The following DGUOK variants were observed in gnomAD, a reference collection of about 807,000 sequenced individuals.
The protein encoded by DGUOK is deoxyguanosine kinase, mitochondrial.
Under a neutral mutation model 36.6 loss-of-function variants are expected in DGUOK, and 30 were observed. The ratio of observed to expected loss-of-function variants is 0.82; its 90% CI spans 0.61 to 1.11. DGUOK has a LOEUF of 1.11. DGUOK is among the 50% of genes most tolerant of loss of function. DGUOK has a pLI of 0.00. For synonymous variants in DGUOK, 145 were observed against 126.3 expected (o/e 1.15, Z -0.99); for missense variants, 361 against 336.4 (o/e 1.07, Z -0.57).
chr2:73,955,459 A>T (rs1218078104), intron 4 of DGUOK, among the ~76,000 whole-genome samples: 1 of 152,228 alleles, frequency 6.6e-6, no homozygotes, highest in Non-Finnish European at 1.5e-5. Context: ...TTGTTTCTAT[A>T]ATTTCATTTC....
chr2:73,931,796 T>C (rs1395850202), intron 1 of DGUOK, among the ~76,000 whole-genome samples: 1 of 152,158 alleles, frequency 6.6e-6, no homozygotes, highest in African/African-American at 2.4e-5. Context: ...GTGCACTAGT[T>C]TTGTGGCTAT....
At chr2:73,958,642 T>TG (rs1394465312) in intron 6 of DGUOK, 68 bp from the exon 7 acceptor site, 3 of 1,362,596 alleles carry the variant, frequency 2.2e-6, no homozygotes, top group Middle Eastern at 1.8e-4. Flanking sequence ...GCATATGCAT[T>TG]GGGGGTGGAC....
chr2:73,945,622 T>TA lies in DGUOK; in HGVS notation c.256-1096dup, dbSNP rs1479766841. On this transcript the variant is annotated intron_variant, in intron 2 of 6. Transcript: ENST00000264093. ...ATGTTAATTCCTTTTTCTATACCCT[T>TA]ACGGTACCCTGCCCATGTAGCGCCT... Among the ~76,000 whole-genome samples the TA allele has an allele frequency of 2.0e-5, 3 of 152,206 alleles. No homozygotes were observed. The East Asian group carries it at 5.8e-4, about 29-fold the overall frequency.
intron 4 of DGUOK, among the ~76,000 whole-genome samples, chr2:73,954,407 C>T (rs1287528925): frequency 6.6e-6 from 1 of 151,880 alleles, no homozygotes. Flanking sequence ...CGGTGACTCA[C>T]GCCTGTAATC....
At chr2:73,946,121 G>A (rs915255280) in intron 2 of DGUOK, among the ~76,000 whole-genome samples, 1 of 151,756 alleles carries the variant, frequency 6.6e-6, no homozygotes, top group Admixed American at 6.6e-5. Context: ...CACATGCCGA[G>A]TAAGTGGAAC....
Position 73,930,782 on chromosome 2 carries a change from CTTTTTTTTTTTCT to C in DGUOK, c.142+3742_142+3754del, listed in dbSNP as rs1445092659. ...GAGAAAACAGATTCGACATAATTTT[CTTTTTTTTTTTCT>C]TTTTTTTTTTTTTTTTTTGAGACAG... On this transcript the variant is annotated intron_variant, in intron 1 of 6. Coordinates refer to ENST00000264093, the MANE Select transcript of DGUOK (RefSeq NM_080916.3). Among the ~76,000 whole-genome samples, 13 of 95,486 alleles carry C rather than the reference CTTTTTTTTTTTCT, an allele frequency of 1.4e-4. No individual in the cohort carries two copies. The East Asian group carries it at 2.6e-3, about 19-fold the overall frequency. 62.6% of individuals were successfully genotyped at this position (95,486 alleles called of 152,430 possible). A position where few individuals can be genotyped will look rare whatever the true frequency, so the allele number is the denominator to read the frequency against.
chr2:73,938,550 C>T (rs2104904902), intron 1 of DGUOK, among the ~76,000 whole-genome samples: 1 of 152,238 alleles, frequency 6.6e-6, no homozygotes, highest in South Asian at 2.1e-4. Context: ...AGAAATTTTA[C>T]ACTGTCACAG....
rs1380948798 is a variant in DGUOK, at chr2:73,950,879, C to G, written c.591+147C>G. The G allele has an allele frequency of 5.7e-6, 6 of 1,060,992 alleles. No individual in the cohort carries two copies. The African/African-American group carries it at 9.4e-5, about 17-fold the overall frequency. The allele number at this position is 1,060,992 out of a possible 1,614,324, so 65.7% of individuals were successfully genotyped here. Reference sequence around the variant, plus strand: ...AGCAGTGGGGGACACCCTCCTGTCCCAGCGTTGAGCACCCTGTTCCCCACT... The same window carrying G: ...AGCAGTGGGGGACACCCTCCTGTCCGAGCGTTGAGCACCCTGTTCCCCACT... On this transcript the variant is annotated intron_variant, in intron 4 of 6. Coordinates refer to ENST00000264093, the MANE Select transcript of DGUOK (RefSeq NM_080916.3).
chr2:73,956,979 G>GGCCGAGT, intron 4 of DGUOK, 146 bp from the exon 5 acceptor site: 1 of 504,088 alleles, frequency 2.0e-6, no homozygotes, highest in Non-Finnish European at 3.7e-6. Flanking sequence ...TCCTCTGATT[G>GGCCGAGT]CATAAGAAAA....
rs1683341161 is a variant in DGUOK at position 73,958,945 on chromosome 2, T to TA, written c.*210dup. 1 of 604,142 alleles carries TA rather than the reference T, an allele frequency of 1.7e-6. No homozygotes were observed. The highest frequency in any genetic ancestry group is 2.9e-6 in the Non-Finnish European group (1 of 339,444). The allele number at this position is 604,142 out of a possible 1,614,324, so 37.4% of individuals were successfully genotyped here. On this transcript the variant is annotated 3_prime_UTR_variant, in exon 7 of 7. Transcript: ENST00000264093. ...TTTTGAAAATAAAGTTTACTTAAGTTATGCTTGTTTTTCTAATTCAGTTGC... is the reference window on the plus strand; with the variant it reads ...TTTTGAAAATAAAGTTTACTTAAGTTAATGCTTGTTTTTCTAATTCAGTTGC...
chr2:73,955,481 G>A (rs1055873768), intron 4 of DGUOK, among the ~76,000 whole-genome samples: 3 of 152,126 alleles, frequency 2.0e-5, no homozygotes, highest in Non-Finnish European at 2.9e-5. Flanking sequence ...TTAGAGAAAA[G>A]GTAAGATAAG....
At chr2:73,944,982 C>T (rs1305654762) in intron 2 of DGUOK, among the ~76,000 whole-genome samples, 1 of 152,164 alleles carries the variant, frequency 6.6e-6, no homozygotes, top group African/African-American at 2.4e-5. Context: ...GAGGGAAATC[C>T]CGAAAATACC....
At chr2:73,934,799 G>A (rs1197370757) in intron 1 of DGUOK, among the ~76,000 whole-genome samples, 4 of 148,750 alleles carry the variant, frequency 2.7e-5, no homozygotes, top group East Asian at 2.0e-4. Flanking sequence ...GTGGCCCGGC[G>A]CAGTGGCTCA....
At chr2:73,927,902 T>G (rs1680725679) in intron 1 of DGUOK, among the ~76,000 whole-genome samples, 1 of 152,238 alleles carries the variant, frequency 6.6e-6, no homozygotes, top group African/African-American at 2.4e-5. Flanking sequence ...AGAATTTCTT[T>G]TTTTATTCAT....
chr2:73,936,195 G>C (rs142645000), intron 1 of DGUOK, among the ~76,000 whole-genome samples: 1 of 152,250 alleles, frequency 6.6e-6, no homozygotes, highest in Non-Finnish European at 1.5e-5. Context: ...TATTTTAAGC[G>C]AGGGCTTACT....
At chr2:73,954,380 G>A (rs763118597) in intron 4 of DGUOK, among the ~76,000 whole-genome samples, 1 of 151,568 alleles carries the variant, frequency 6.6e-6, no homozygotes, top group South Asian at 2.1e-4. Flanking sequence ...TTTAGAAAAG[G>A]CAACTCAGGC....
At chr2:73,937,195 T>A (rs2104898600) in intron 1 of DGUOK, among the ~76,000 whole-genome samples, 1 of 152,344 alleles carries the variant, frequency 6.6e-6, no homozygotes, top group Middle Eastern at 3.4e-3. Flanking sequence ...AGCTCAGATG[T>A]CACTAACTTC....
chr2:73,932,688 G>GT (rs779270414), intron 1 of DGUOK: 1 of 1,273,460 alleles, frequency 7.9e-7, no homozygotes. Flanking sequence ...AATTGGGTAT[G>GT]TTTAGAGGGC....
At chr2:73,944,227 C>A (rs543595128) in intron 2 of DGUOK, among the ~76,000 whole-genome samples, 1 of 152,078 alleles carries the variant, frequency 6.6e-6, no homozygotes, top group Admixed American at 6.6e-5. Context: ...ACTATGTTGC[C>A]CAAGTTAGTC....
Sources: gnomAD v4.1 joint callset for allele counts (sites outside exome capture counted in the v4.1 genomes callset) on GRCh38, gnomAD v4.1.1 for gene constraint, MANE v1.5 for transcripts, NCBI Gene and HGNC (gene_info 2026-07-23, HGNC 2026-07-21) for gene names.